Variants in UBP1 observed in about 807,000 individuals in gnomAD.
UBP1 encodes the protein upstream-binding protein 1.
Under a neutral mutation model 76.1 loss-of-function variants are expected in UBP1, and 22 were observed. The ratio of observed to expected loss-of-function variants is 0.29; its 90% CI spans 0.21 to 0.41. UBP1 has a LOEUF of 0.41. UBP1 is among the 10% of genes least tolerant of loss of function. The pLI, the probability that UBP1 is intolerant of heterozygous loss-of-function variation, is 1.00. For synonymous variants in UBP1, 224 were observed against 237.1 expected (o/e 0.94, Z 0.51); for missense variants, 436 against 668.1 (o/e 0.65, Z 3.83).
chr3:33,390,626 G>T, intron 15 of UBP1: 1 of 532,814 alleles, frequency 1.9e-6, no homozygotes. Flanking sequence ...GCCAGTTCTG[G>T]GGGTAGGGGG....
intron 1 of UBP1, among the ~76,000 whole-genome samples, chr3:33,427,511 C>A (rs552389538): frequency 6.6e-6 from 1 of 152,242 alleles, no homozygotes; most frequent in African/African-American, 2.4e-5. Flanking sequence ...GTCTGAACTG[C>A]TTATTTTCTC....
chr3:33,435,189 A>G (rs2045185594), intron 1 of UBP1, among the ~76,000 whole-genome samples: 1 of 152,190 alleles, frequency 6.6e-6, no homozygotes, highest in South Asian at 2.1e-4. Context: ...CATTTCCTGT[A>G]CTGCAGCCAA....
At chr3:33,439,579 G>A (rs1364834642) in intron 1 of UBP1, among the ~76,000 whole-genome samples, 157 bp downstream of exon 1, 2 of 152,186 alleles carry the variant, frequency 1.3e-5, no homozygotes, top group Non-Finnish European at 2.9e-5. Context: ...AGGCCTTTGG[G>A]GTTCCATGGC....
intron 1 of UBP1, among the ~76,000 whole-genome samples, chr3:33,433,421 G>A (rs906697172): frequency 4.7e-5 from 7 of 148,224 alleles, no homozygotes; most frequent in Non-Finnish European, 7.4e-5. Flanking sequence ...GTGGGAGTCC[G>A]AGGCGGGCAG....
chr3:33,422,849 CTTGTT>C (rs1463824404), intron 2 of UBP1, among the ~76,000 whole-genome samples: 1 of 151,910 alleles, frequency 6.6e-6, no homozygotes, highest in Non-Finnish European at 1.5e-5. Context: ...AAATTAAAAA[CTTGTT>C]TAAGGATTCA....
Position 33,432,202 on chromosome 3 carries a change from T to C in UBP1, c.114-6461A>G, listed in dbSNP as rs111790600. Among the ~76,000 whole-genome samples, 8 of 151,914 alleles carry C rather than the reference T, an allele frequency of 5.3e-5. 1 individual carries two copies. Among genetic ancestry groups the C allele is most frequent in the African/African-American group, 1.7e-4 (7 of 41,334 alleles). On this transcript the variant is annotated intron_variant, in intron 1 of 15. Transcript: ENST00000283629. The stretch of plus-strand genomic sequence containing the variant: ...AGCCAGGCATGGTGGCGCATACTCA[T>C]AAACTCAGCTACTAGGGAGGCAGAG...
chr3:33,410,242 C>T (rs923752894), intron 5 of UBP1, among the ~76,000 whole-genome samples: 1 of 152,208 alleles, frequency 6.6e-6, no homozygotes, highest in African/African-American at 2.4e-5. Flanking sequence ...CCCTGGATGA[C>T]AGCCTTAGGG....
rs146185583 is a variant in UBP1 at position 33,423,006 on chromosome 3, A to G, written c.265+2584T>C. The stretch of plus-strand genomic sequence containing the variant: ...TATAATTTCTTTTAAAAGGGTACAT[A>G]AAAGTACAGTTCCTTTAAAATTACT... On this transcript the variant is annotated intron_variant, in intron 2 of 15. Transcript: ENST00000283629. 2.6e-4 allele frequency among the ~76,000 whole-genome samples: 40 copies of G among 151,820 alleles called. No homozygotes were observed. The East Asian group carries it at 7.0e-3, about 27-fold the overall frequency.
intron 5 of UBP1, 80 bp from the exon 6 acceptor site, chr3:33,409,681 T>C (rs1366965578): frequency 6.5e-7 from 1 of 1,535,520 alleles, no homozygotes; most frequent in Non-Finnish European, 8.9e-7. Flanking sequence ...TTGAGTGACC[T>C]GACACCACTA....
intron 1 of UBP1, among the ~76,000 whole-genome samples, chr3:33,426,882 T>C (rs1422189948): frequency 6.6e-6 from 1 of 152,220 alleles, no homozygotes; most frequent in Non-Finnish European, 1.5e-5. Flanking sequence ...TATGAACACT[T>C]TTCTATGTTT....
intron 1 of UBP1, among the ~76,000 whole-genome samples, chr3:33,431,768 C>G (rs1242134260): frequency 6.7e-6 from 1 of 150,086 alleles, no homozygotes; most frequent in Non-Finnish European, 1.5e-5. Flanking sequence ...CGAAAAAAGA[C>G]AGCTCCATTT....
chr3:33,394,027 A>ATT (rs143219786), intron 13 of UBP1, among the ~76,000 whole-genome samples: 1 of 151,688 alleles, frequency 6.6e-6, no homozygotes, highest in Non-Finnish European at 1.5e-5. Flanking sequence ...CTTTTTGTTT[A>ATT]TTTTTTTAAG....
intron 8 of UBP1, among the ~76,000 whole-genome samples, chr3:33,404,953 AT>A (rs2044377725): frequency 6.6e-6 from 1 of 152,286 alleles, no homozygotes; most frequent in South Asian, 2.1e-4. Flanking sequence ...TAATATTTCT[AT>A]TTTTACATGT....
At chr3:33,414,338 C>A (rs2044675265) in intron 3 of UBP1, 1 of 152,154 alleles carries the variant, frequency 6.6e-6, no homozygotes, top group South Asian at 2.1e-4. Context: ...GGGAGAAAAT[C>A]TCGTTATCTG....
chr3:33,416,988 C>T (rs189923042), intron 2 of UBP1, among the ~76,000 whole-genome samples, 154 bp from the exon 3 acceptor site: 1 of 152,252 alleles, frequency 6.6e-6, no homozygotes, highest in African/African-American at 2.4e-5. Flanking sequence ...CTTCTCTTCC[C>T]TGAAAATCAC....
chr3:33,441,030 T>C (rs2045293577), upstream of UBP1: 1 of 152,258 alleles, frequency 6.6e-6, no homozygotes, highest in Non-Finnish European at 1.5e-5. Context: ...ATTGGTTGCA[T>C]TGCCGAGAGC....
chr3:33,424,439 GA>G (rs377516172), intron 2 of UBP1, among the ~76,000 whole-genome samples: 57 of 152,228 alleles, frequency 3.7e-4, no homozygotes, highest in African/African-American at 1.4e-3. Flanking sequence ...TTTAATGACA[GA>G]AAAATAAACA....
intron 1 of UBP1, among the ~76,000 whole-genome samples, chr3:33,436,176 C>A (rs1168766708): frequency 1.3e-5 from 2 of 152,166 alleles, no homozygotes; most frequent in African/African-American, 2.4e-5. Context: ...CCATGTGCAA[C>A]ACGATGTTTT....
chr3:33,420,116 C>T (rs2044847931), intron 2 of UBP1, among the ~76,000 whole-genome samples: 1 of 152,076 alleles, frequency 6.6e-6, no homozygotes, highest in South Asian at 2.1e-4. Context: ...GTGACAGCCC[C>T]CACTTTGCTA....
Sources: gnomAD v4.1 joint callset for allele counts (sites outside exome capture counted in the v4.1 genomes callset) on GRCh38, gnomAD v4.1.1 for gene constraint, MANE v1.5 for transcripts, NCBI Gene and HGNC (gene_info 2026-07-23, HGNC 2026-07-21) for gene names.